NR6A1: variants seen among roughly 807,000 people sequenced by gnomAD.
The protein encoded by NR6A1 is nuclear receptor subfamily 6 group A member 1.
A neutral mutation model predicts 59.1 loss-of-function variants in NR6A1; 7 were observed. The ratio of observed to expected loss-of-function variants is 0.12; its 90% CI spans 0.07 to 0.22. NR6A1 has a LOEUF of 0.22. Among genes scored for constraint, NR6A1 ranks in the 10% least tolerant of loss-of-function variants. NR6A1 has a pLI of 1.00. For synonymous variants in NR6A1, 243 were observed against 236.1 expected (o/e 1.03, Z -0.27); for missense variants, 468 against 611.6 (o/e 0.77, Z 2.48).
intron 2 of NR6A1, among the ~76,000 whole-genome samples, chr9:124,672,871 T>C (rs1837837444): frequency 6.6e-6 from 1 of 152,084 alleles, no homozygotes; most frequent in Non-Finnish European, 1.5e-5. Flanking sequence ...TAATGAATCT[T>C]AGTAACCAAT....
intron 2 of NR6A1, among the ~76,000 whole-genome samples, chr9:124,656,327 C>T (rs999945543): frequency 1.3e-5 from 2 of 152,114 alleles, no homozygotes; most frequent in Non-Finnish European, 2.9e-5. Flanking sequence ...TACCCAGCCT[C>T]AGGTATTCCT....
chr9:124,634,812 ACTCT>A (rs980976812), intron 2 of NR6A1, among the ~76,000 whole-genome samples: 1 of 151,780 alleles, frequency 6.6e-6, no homozygotes. Flanking sequence ...ACAGAGCAAG[ACTCT>A]CTCAAAAAAA....
intron 1 of NR6A1, among the ~76,000 whole-genome samples, chr9:124,745,178 G>A (rs1226499330): frequency 6.6e-6 from 1 of 151,588 alleles, no homozygotes; most frequent in Admixed American, 6.6e-5. Context: ...GTTTACAAAG[G>A]GCAAATACCA....
intron 2 of NR6A1, among the ~76,000 whole-genome samples, chr9:124,626,345 C>T (rs751762488): frequency 1.4e-4 from 21 of 152,210 alleles, no homozygotes; most frequent in Non-Finnish European, 2.5e-4. Context: ...TTCATAATCA[C>T]GTGAGCCAAT....
At position 124,732,075 on chromosome 9, in the gene NR6A1, A is replaced by G. The variant is rs150529453; in HGVS notation, c.142+1233T>C. On this transcript the variant is annotated intron_variant, in intron 2 of 9. Coordinates refer to ENST00000487099, the MANE Select transcript of NR6A1 (RefSeq NM_033334.4). ...CTGGTGTTTGATAAGCATCATGAGA[A>G]CTATTTTGCCTAAAAATTAATAAGT... Among the ~76,000 whole-genome samples the G allele has an allele frequency of 7.0e-4, 106 of 152,318 alleles. 1 individual carries two copies. Among genetic ancestry groups the G allele is most frequent in the Middle Eastern group, 3.4e-3 (1 of 294 alleles).
intron 1 of NR6A1, among the ~76,000 whole-genome samples, chr9:124,767,513 G>GAAAAAAAAAAAAAAAAAAAAAAAAA (rs951834728): frequency 1.3e-5 from 1 of 76,458 alleles, no homozygotes; most frequent in African/African-American, 4.2e-5. Flanking sequence ...TACAAAAAAA[G>GAAAAAAAAAAAAAAAAAAAAAAAAA]AAAAAAAAAA....
chr9:124,604,015 T>C (rs1203835911), intron 2 of NR6A1, among the ~76,000 whole-genome samples: 1 of 152,230 alleles, frequency 6.6e-6, no homozygotes, highest in East Asian at 1.9e-4. Context: ...TCTCTAAGGA[T>C]AGGCATAGGT....
rs572690339 is a variant in NR6A1, at chr9:124,574,837, T to G, written c.143-20267A>C. 1.1e-3 allele frequency among the ~76,000 whole-genome samples: 175 copies of G among 152,312 alleles called. 1 individual carries two copies. The highest frequency in any genetic ancestry group is 3.8e-3 in the African/African-American group (159 of 41,556). Reference sequence around the variant, plus strand: ...TCCCTTTTGGATACTACGTTTTAAATGAATGCAATAGAATTTATTACCTTT... The same window carrying G: ...TCCCTTTTGGATACTACGTTTTAAAGGAATGCAATAGAATTTATTACCTTT... On this transcript the variant is annotated intron_variant, in intron 2 of 9. Coordinates refer to ENST00000487099, the MANE Select transcript of NR6A1 (RefSeq NM_033334.4).
chr9:124,534,345 T>C (rs2131341000), intron 7 of NR6A1, among the ~76,000 whole-genome samples: 1 of 152,326 alleles, frequency 6.6e-6, no homozygotes, highest in South Asian at 2.1e-4. Flanking sequence ...AGTGCTGGGA[T>C]TACAGGCATG....
chr9:124,671,684 T>G (rs1004591751), intron 2 of NR6A1, among the ~76,000 whole-genome samples: 1 of 152,204 alleles, frequency 6.6e-6, no homozygotes, highest in African/African-American at 2.4e-5. Context: ...AAAAAGTCAT[T>G]CTTTAAGGCC....
chr9:124,719,738 G>C (rs1256925613), intron 2 of NR6A1, among the ~76,000 whole-genome samples: 2 of 152,062 alleles, frequency 1.3e-5, no homozygotes, highest in African/African-American at 2.4e-5. Flanking sequence ...GAGCAACCTG[G>C]TGAAACCCCA....
intron 2 of NR6A1, among the ~76,000 whole-genome samples, chr9:124,724,696 T>A (rs1466164886): frequency 2.6e-5 from 4 of 152,208 alleles, no homozygotes; most frequent in Admixed American, 2.6e-4. Flanking sequence ...GGAACAGTAT[T>A]TCTGAAATAG....
intron 5 of NR6A1, 115 bp from the exon 6 acceptor site, chr9:124,538,434 T>C: frequency 1.4e-6 from 1 of 720,458 alleles, no homozygotes; most frequent in South Asian, 1.8e-5. Flanking sequence ...TGTGTCTTCA[T>C]CAAGCCAGGG....
intron 2 of NR6A1, among the ~76,000 whole-genome samples, chr9:124,590,013 C>T (rs1018750027): frequency 3.0e-5 from 4 of 131,496 alleles, no homozygotes; most frequent in Non-Finnish European, 4.6e-5. Context: ...TGCAGTGAGC[C>T]GAGATCGCAC....
At chr9:124,604,661 T>G (rs923151791) in intron 2 of NR6A1, among the ~76,000 whole-genome samples, 2 of 151,722 alleles carry the variant, frequency 1.3e-5, no homozygotes, top group Admixed American at 1.3e-4. Flanking sequence ...ATACAAAAAA[T>G]TAGCTGGGTG....
At chr9:124,693,415 G>C (rs1264774202) in intron 2 of NR6A1, among the ~76,000 whole-genome samples, 1 of 152,142 alleles carries the variant, frequency 6.6e-6, no homozygotes, top group African/African-American at 2.4e-5. Context: ...AAGAGGAAAA[G>C]CAGGTCCCTC....
chr9:124,527,615 G>T (rs960096484), intron 7 of NR6A1, among the ~76,000 whole-genome samples: 1 of 152,210 alleles, frequency 6.6e-6, no homozygotes, highest in African/African-American at 2.4e-5. Context: ...TCAAAGAAGG[G>T]AGGGTCTGGT....
intron 2 of NR6A1, among the ~76,000 whole-genome samples, chr9:124,606,300 T>G (rs910587132): frequency 2.6e-5 from 4 of 152,224 alleles, no homozygotes; most frequent in African/African-American, 9.6e-5. Context: ...TCTATGAATG[T>G]CCACCATTTC....
rs949907280 is a variant in NR6A1 at position 124,519,369 on chromosome 9, A to C, written c.*3336T>G. Reference sequence around the variant, plus strand: ...TGAGCCAGGTTGAGCGCTTTGAGACAGATTCTGGGGAATTTCTCCAGATTA... The same window carrying C: ...TGAGCCAGGTTGAGCGCTTTGAGACCGATTCTGGGGAATTTCTCCAGATTA... On this transcript the variant is annotated 3_prime_UTR_variant, in exon 10 of 10. Coordinates refer to ENST00000487099, the MANE Select transcript of NR6A1 (RefSeq NM_033334.4). 1 of 152,214 alleles carries C rather than the reference A, an allele frequency of 6.6e-6. No homozygotes were observed. Among genetic ancestry groups the C allele is most frequent in the African/African-American group, 2.4e-5 (1 of 41,430 alleles). 9.4% of individuals were successfully genotyped at this position (152,214 alleles called of 1,614,324 possible).
Sources: allele counts gnomAD v4.1 joint callset (sites outside exome capture counted in the v4.1 genomes callset), GRCh38; gene constraint gnomAD v4.1.1; transcripts MANE v1.5; gene names NCBI Gene and HGNC (gene_info 2026-07-23, HGNC 2026-07-21).